The following SEM1 variants were observed in gnomAD, a reference collection of about 807,000 sequenced individuals.
SEM1 encodes the protein SEM1 26S proteasome subunit, also known as 26S proteasome complex subunit SEM1.
Under a neutral mutation model 12.7 loss-of-function variants are expected in SEM1, and 3 were observed. That is an observed-to-expected ratio of 0.24 (90% CI 0.11 to 0.61). The LOEUF (loss-of-function observed/expected upper bound fraction) is 0.61, where lower values mean the gene tolerates loss of function less well. SEM1 is among the 20% of genes least tolerant of loss of function. The pLI, the probability that SEM1 is intolerant of heterozygous loss-of-function variation, is 0.88. For missense variants in SEM1, 59 were observed against 81.3 expected (o/e 0.73, Z 1.06); for synonymous variants, 30 against 27.8 (o/e 1.08, Z -0.25).
intron 1 of SEM1, 36 bp from the exon 2 acceptor site, chr7:96,694,927 C>A: frequency 6.9e-7 from 1 of 1,443,324 alleles, no homozygotes; most frequent in Non-Finnish European, 9.7e-7. Context: ...AAATATTTCT[C>A]ATACATTATT....
chr7:96,575,529 C>A (rs994075874), intron 2 of SEM1, among the ~76,000 whole-genome samples: 16 of 152,216 alleles, frequency 1.1e-4, no homozygotes, highest in African/African-American at 3.1e-4. Context: ...TTATAGACAG[C>A]AGGCAGGAAC....
At chr7:96,609,148 T>C (rs1215035619) in intron 2 of SEM1, among the ~76,000 whole-genome samples, 1 of 152,192 alleles carries the variant, frequency 6.6e-6, no homozygotes, top group Non-Finnish European at 1.5e-5. Flanking sequence ...TAAAGTGGTG[T>C]CTCATTGTAG....
chr7:96,629,854 G>A (rs1255769415), intron 2 of SEM1, among the ~76,000 whole-genome samples: 2 of 152,210 alleles, frequency 1.3e-5, no homozygotes, highest in Admixed American at 1.3e-4. Context: ...GCCACCCCAT[G>A]CCCAATAATG....
intron 1 of SEM1, among the ~76,000 whole-genome samples, chr7:96,493,191 C>T (rs1803095697): frequency 6.6e-6 from 1 of 152,264 alleles, no homozygotes; most frequent in South Asian, 2.1e-4. Context: ...TCTCGAACTC[C>T]TGACTTTAAG....
intron 2 of SEM1, among the ~76,000 whole-genome samples, chr7:96,660,033 C>T (rs1460853928): frequency 6.6e-6 from 1 of 151,562 alleles, no homozygotes; most frequent in Non-Finnish European, 1.5e-5. Flanking sequence ...GTAAAACCTA[C>T]TGTTGATTAT....
At chr7:96,509,772 CT>C (rs1255222031) in intron 2 of SEM1, among the ~76,000 whole-genome samples, 2 of 152,096 alleles carry the variant, frequency 1.3e-5, no homozygotes, top group East Asian at 3.9e-4. Context: ...CAACGTTATG[CT>C]AGGTGAAATA....
intron 2 of SEM1, among the ~76,000 whole-genome samples, chr7:96,636,910 G>A (rs140441688): frequency 1.4e-3 from 213 of 152,092 alleles, no homozygotes; most frequent in African/African-American, 5.0e-3. Context: ...AAGATGAGAA[G>A]GATCTGAATT....
At chr7:96,581,137 T>G (rs1295082172) in intron 2 of SEM1, among the ~76,000 whole-genome samples, 2 of 152,214 alleles carry the variant, frequency 1.3e-5, no homozygotes, top group East Asian at 3.8e-4. Flanking sequence ...CGTCTTGAAT[T>G]GATTTTTGTA....
chr7:96,601,018 G>A (rs539657500), intron 2 of SEM1, among the ~76,000 whole-genome samples: 23 of 152,338 alleles, frequency 1.5e-4, no homozygotes, highest in Non-Finnish European at 2.8e-4. Context: ...GGATGTTGGA[G>A]GAGGAAGGAT....
chr7:96,705,602 C>T (rs1014628608), intron 1 of SEM1, among the ~76,000 whole-genome samples: 4 of 151,712 alleles, frequency 2.6e-5, no homozygotes, highest in African/African-American at 7.3e-5. Flanking sequence ...CCGAGGCGGG[C>T]GGATCACCAG....
intron 2 of SEM1, among the ~76,000 whole-genome samples, chr7:96,551,965 A>G (rs936897693): frequency 4.6e-5 from 7 of 152,096 alleles, no homozygotes; most frequent in Non-Finnish European, 7.4e-5. Flanking sequence ...GCCACCTAAT[A>G]TGCAGTAATT....
exon 4 of SEM1, chr7:96,482,465 C>T (rs1297611530): frequency 6.6e-6 from 1 of 152,158 alleles, no homozygotes; most frequent in Non-Finnish European, 1.5e-5. Flanking sequence ...CTACTGCTAA[C>T]ATTTTGGAAT....
chr7:96,524,757 T>C (rs1309774608), intron 2 of SEM1, among the ~76,000 whole-genome samples: 2 of 152,122 alleles, frequency 1.3e-5, no homozygotes, highest in African/African-American at 4.8e-5. Flanking sequence ...ATCTTGAATA[T>C]ATTTTATGCT....
chr7:96,505,559 A>AT (rs1803730359), intron 3 of SEM1, among the ~76,000 whole-genome samples: 1 of 152,090 alleles, frequency 6.6e-6, no homozygotes, highest in Non-Finnish European at 1.5e-5. Flanking sequence ...TGCATTTCCT[A>AT]TTTTGTTGCT....
At chr7:96,677,993 GACT>G (rs1789499841) in intron 2 of SEM1, among the ~76,000 whole-genome samples, 1 of 152,280 alleles carries the variant, frequency 6.6e-6, no homozygotes, top group Admixed American at 6.5e-5. Context: ...TGAACTAACA[GACT>G]ACTTTCAGTG....
At chr7:96,664,980 C>A (rs1055424154) in intron 2 of SEM1, among the ~76,000 whole-genome samples, 1 of 152,190 alleles carries the variant, frequency 6.6e-6, no homozygotes, top group African/African-American at 2.4e-5. Flanking sequence ...TACTTGTTTT[C>A]AAGCTCCAGA....
At chr7:96,665,913 C>T (rs1241210203) in intron 2 of SEM1, among the ~76,000 whole-genome samples, 1 of 152,150 alleles carries the variant, frequency 6.6e-6, no homozygotes, top group Non-Finnish European at 1.5e-5. Context: ...GATGAGAAAG[C>T]TAGGGCTCAG....
At chr7:96,670,219 A>G (rs1789279871), downstream of SEM1, among the ~76,000 whole-genome samples, 1 of 152,220 alleles carries the variant, frequency 6.6e-6, no homozygotes, top group African/African-American at 2.4e-5. Context: ...ATAATGGAAG[A>G]AAAACATACT....
chr7:96,634,944 T>C (rs1808384206), intron 2 of SEM1, among the ~76,000 whole-genome samples: 1 of 152,078 alleles, frequency 6.6e-6, no homozygotes, highest in South Asian at 2.1e-4. Flanking sequence ...GTCTGACTTG[T>C]CATTTATAAA....
Sources: allele counts gnomAD v4.1 joint callset (sites outside exome capture counted in the v4.1 genomes callset), GRCh38; gene constraint gnomAD v4.1.1; transcripts MANE v1.5; gene names NCBI Gene and HGNC (gene_info 2026-07-23, HGNC 2026-07-21).